The following EYA1 variants were observed in gnomAD, a reference collection of about 807,000 sequenced individuals.
EYA1 encodes EYA transcriptional coactivator and phosphatase 1.
In EYA1, 16 loss-of-function variants were observed where a neutral mutation model predicts 82.0. That is an observed-to-expected ratio of 0.20 (90% confidence interval 0.13 to 0.30). The LOEUF (loss-of-function observed/expected upper bound fraction) is 0.30. Ranked by LOEUF, EYA1 falls within the 10% of genes least tolerant of loss-of-function variation. The probability of loss-of-function intolerance (pLI) is 1.00; values close to 1 mark genes in which losing one functional copy is unlikely to be tolerated. For missense variants in EYA1, 633 were observed against 730.7 expected (o/e 0.87, Z 1.54); for synonymous variants, 261 against 264.4 (o/e 0.99, Z 0.12).
chr8:71,531,637 T>C (rs1044505476), intron 2 of EYA1, among the ~76,000 whole-genome samples: 1 of 152,238 alleles, frequency 6.6e-6, no homozygotes, highest in African/African-American at 2.4e-5. Flanking sequence ...ATAACTCTGC[T>C]GTTTGATGCT....
At chr8:71,481,067 G>T (rs1274781116) in intron 2 of EYA1, among the ~76,000 whole-genome samples, 1 of 151,914 alleles carries the variant, frequency 6.6e-6, no homozygotes, top group Admixed American at 6.6e-5. Context: ...ATACATATTA[G>T]AATATTTCAA....
intron 4 of EYA1, among the ~76,000 whole-genome samples, chr8:71,326,381 C>G (rs72622842): frequency 1.3e-5 from 2 of 151,680 alleles, no homozygotes; most frequent in South Asian, 2.1e-4. Flanking sequence ...GTTTTCCCAA[C>G]AAAATATACC....
At chr8:71,355,928 T>C (rs1162285790) in intron 2 of EYA1, among the ~76,000 whole-genome samples, 1 of 151,216 alleles carries the variant, frequency 6.6e-6, no homozygotes, top group Non-Finnish European at 1.5e-5. Context: ...TCTTAAAAGT[T>C]TAGGGCCCAT....
chr8:71,212,176 C>A (rs1167012334), intron 16 of EYA1, among the ~76,000 whole-genome samples: 3 of 152,156 alleles, frequency 2.0e-5, no homozygotes, highest in Admixed American at 6.5e-5. Flanking sequence ...GAAGCCTGCA[C>A]CTCTTTCAAA....
At chr8:71,299,305 C>G (rs1422395068) in intron 8 of EYA1, 72 bp from the exon 9 acceptor site, 1 of 1,481,746 alleles carries the variant, frequency 6.7e-7, no homozygotes, top group Non-Finnish European at 9.4e-7. Context: ...CAAAGTGTAA[C>G]TGTAAGTATG....
intron 9 of EYA1, among the ~76,000 whole-genome samples, chr8:71,296,044 G>A (rs9692656): frequency 0.55 from 83,296 of 151,818 alleles, 23,286 homozygotes; most frequent in East Asian, 0.83. Context: ...AGATTCTAAT[G>A]TATCTGCAGA....
At chr8:71,235,577 A>G (rs995146740) in intron 12 of EYA1, among the ~76,000 whole-genome samples, 1 of 152,110 alleles carries the variant, frequency 6.6e-6, no homozygotes, top group Non-Finnish European at 1.5e-5. Context: ...TTTGCTTCAT[A>G]GCACTTATCT....
chr8:71,225,327 G>A (rs1027174154), intron 12 of EYA1: 2 of 455,974 alleles, frequency 4.4e-6, no homozygotes, highest in East Asian at 1.4e-4. Context: ...GAGGGTATGT[G>A]GTTTGTAGCC....
At chr8:71,387,339 G>GTTGACAT (rs1490769982) in intron 2 of EYA1, among the ~76,000 whole-genome samples, 2 of 152,196 alleles carry the variant, frequency 1.3e-5, no homozygotes, top group African/African-American at 4.8e-5. Flanking sequence ...GCAGATGGGT[G>GTTGACAT]TTGACATTTA....
intron 11 of EYA1, among the ~76,000 whole-genome samples, chr8:71,262,453 T>C (rs1188771302): frequency 6.6e-6 from 1 of 152,072 alleles, no homozygotes; most frequent in Non-Finnish European, 1.5e-5. Flanking sequence ...AAATAATAGC[T>C]CTTGTTCATG....
rs1034984811 is a variant in EYA1, at chr8:71,197,511, C to A, written c.*1829G>T. On this transcript the variant is annotated 3_prime_UTR_variant, in exon 18 of 18. Coordinates refer to ENST00000340726, the MANE Select transcript of EYA1 (RefSeq NM_000503.6). ...AAAATTCTGTACACAACGGTGGACA[C>A]AGCACACCTTTATACAGTAAGGCCA... 6.6e-6 allele frequency: 1 copy of A among 152,528 alleles called. No individual in the cohort carries two copies. Among genetic ancestry groups the A allele is most frequent in the South Asian group, 2.1e-4 (1 of 4,830 alleles). 9.4% of individuals were successfully genotyped at this position (152,528 alleles called of 1,614,324 possible).
chr8:71,201,884 A>G (rs887901237), intron 17 of EYA1, among the ~76,000 whole-genome samples: 4 of 152,126 alleles, frequency 2.6e-5, no homozygotes, highest in Non-Finnish European at 5.9e-5. Flanking sequence ...AGGTTTGCCA[A>G]TCATTATTGC....
In EYA1 at chr8:71,521,066, T is replaced by C. The variant is rs142603225; in HGVS notation, c.33+14678A>G. On this transcript the variant is annotated intron_variant, in intron 2 of 18. Transcript: ENST00000643681. ...AATCCTACACTTGGGTCACCTCTTT[T>C]TAAAAAAAAAAAATCTTTATTTTTT... is the stretch of plus-strand genomic sequence containing the variant. Among the ~76,000 whole-genome samples the C allele has an allele frequency of 4.6e-5, 7 of 151,792 alleles. No individual in the cohort carries two copies. The East Asian group carries it at 1.4e-3, about 29-fold the overall frequency.
chr8:71,311,745 C>A (rs146320974), intron 7 of EYA1, among the ~76,000 whole-genome samples: 6 of 152,164 alleles, frequency 3.9e-5, no homozygotes, highest in African/African-American at 7.2e-5. Flanking sequence ...TTTAGTGGTG[C>A]ACAAAAGAAA....
chr8:71,345,478 G>T (rs1825594827), intron 3 of EYA1, among the ~76,000 whole-genome samples: 1 of 152,160 alleles, frequency 6.6e-6, no homozygotes, highest in South Asian at 2.1e-4. Flanking sequence ...TCAAACAGAG[G>T]CAGGCAGGCT....
intron 11 of EYA1, among the ~76,000 whole-genome samples, chr8:71,264,621 A>C (rs1815551183): frequency 6.6e-6 from 1 of 150,496 alleles, no homozygotes; most frequent in South Asian, 2.1e-4. Flanking sequence ...TCTGTCACCC[A>C]GGCTGGAATG....
intron 2 of EYA1, among the ~76,000 whole-genome samples, chr8:71,437,042 G>A (rs1806060424): frequency 1.2e-5 from 1 of 83,248 alleles, no homozygotes; most frequent in Non-Finnish European, 2.5e-5. Flanking sequence ...TTCCAGGTGT[G>A]TGTGTATATC....
At chr8:71,539,908 A>C (rs1815013021) in intron 1 of EYA1, among the ~76,000 whole-genome samples, 1 of 152,210 alleles carries the variant, frequency 6.6e-6, no homozygotes, top group African/African-American at 2.4e-5. Flanking sequence ...CATTAAATTG[A>C]GACTATAATC....
chr8:71,317,549 G>A lies in EYA1; in HGVS notation c.556+3C>T, dbSNP rs747249447. The A allele has an allele frequency of 1.2e-6, 2 of 1,613,876 alleles. No homozygotes were observed. Among genetic ancestry groups the A allele is most frequent in the Admixed American group, 1.7e-5 (1 of 60,010 alleles). ...AGGAAAATAGCAATGTGTATATACAGACCTTGCATCTGGTAGCTGTATGGT... is the reference window on the plus strand; with the variant it reads ...AGGAAAATAGCAATGTGTATATACAAACCTTGCATCTGGTAGCTGTATGGT... On this transcript the variant is annotated splice_donor_region_variant and intron_variant, in intron 7 of 17. Coordinates refer to ENST00000340726, the MANE Select transcript of EYA1 (RefSeq NM_000503.6).
Sources: allele counts gnomAD v4.1 joint callset (sites outside exome capture counted in the v4.1 genomes callset), GRCh38; gene constraint gnomAD v4.1.1; transcripts MANE v1.5; gene names NCBI Gene and HGNC (gene_info 2026-07-23, HGNC 2026-07-21).